AP3D1: variants seen among roughly 807,000 people sequenced by gnomAD.
The protein encoded by AP3D1 is adaptor related protein complex 3 subunit delta 1.
AP3D1 carries 51 observed loss-of-function variants against 147.6 expected under a neutral mutation model. The observed-to-expected ratio is 0.35, with a 90% confidence interval of 0.28 to 0.44. The LOEUF is 0.44. Ranked by LOEUF, AP3D1 falls within the 20% of genes least tolerant of loss-of-function variation. AP3D1 has a pLI of 1.00. For synonymous variants in AP3D1, 760 were observed against 663.0 expected (o/e 1.15, Z -2.25); for missense variants, 1,421 against 1,624.2 (o/e 0.87, Z 2.15).
chr19:2,140,755 CTT>C (rs71176516), intron 1 of AP3D1, among the ~76,000 whole-genome samples: 96 of 107,204 alleles, frequency 9.0e-4, no homozygotes, highest in African/African-American at 2.8e-3. Flanking sequence ...ACACAAACGT[CTT>C]TTTTTTTTTT....
chr19:2,109,416 G>A, intron 29 of AP3D1: 1 of 603,532 alleles, frequency 1.7e-6, no homozygotes, highest in Non-Finnish European at 2.8e-6. Flanking sequence ...TGTCTTTAAA[G>A]AGGTCACAGA....
chr19:2,113,702 TG>T (rs1200196804), intron 22 of AP3D1, among the ~76,000 whole-genome samples: 2 of 152,228 alleles, frequency 1.3e-5, no homozygotes, highest in Admixed American at 6.5e-5. Flanking sequence ...TATGTCTGCC[TG>T]GGCCACCTGA....
chr19:2,121,461 C>G lies in AP3D1; in HGVS notation c.1102-150G>C, dbSNP rs1011340515. 5 of 1,144,950 alleles carry G rather than the reference C, an allele frequency of 4.4e-6. No individual in the cohort carries two copies. The African/African-American group carries it at 7.6e-5, about 17-fold the overall frequency. The allele number at this position is 1,144,950 out of a possible 1,614,324, so 70.9% of individuals were successfully genotyped here. Reference sequence around the variant, plus strand: ...ATGCCAGGGAGGCAGCAGGCCCCTGCGATGTGGGCTGGGTTAGAGGCACAC... The same window carrying G: ...ATGCCAGGGAGGCAGCAGGCCCCTGGGATGTGGGCTGGGTTAGAGGCACAC... On this transcript the variant is annotated intron_variant, in intron 12 of 31. Coordinates refer to ENST00000643116, the MANE Select transcript of AP3D1 (RefSeq NM_001261826.3).
intron 4 of AP3D1, among the ~76,000 whole-genome samples, chr19:2,133,745 G>A (rs963099319): frequency 5.3e-5 from 8 of 151,222 alleles, no homozygotes; most frequent in Admixed American, 2.0e-4. Context: ...CTCATGATCC[G>A]CCCGCCATGG....
chr19:2,104,514 C>T (rs1160326752), intron 31 of AP3D1, among the ~76,000 whole-genome samples: 1 of 151,704 alleles, frequency 6.6e-6, no homozygotes, highest in African/African-American at 2.4e-5. Flanking sequence ...GCCCAGACCC[C>T]AATGCCAAGA....
chr19:2,102,038 A>G lies in AP3D1; in HGVS notation c.*135T>C, dbSNP rs1443726862. 2 of 676,116 alleles carry G rather than the reference A, an allele frequency of 3.0e-6. No homozygotes were observed. Among genetic ancestry groups the G allele is most frequent in the South Asian group, 1.8e-5 (1 of 56,400 alleles). 41.9% of individuals were successfully genotyped at this position (676,116 alleles called of 1,614,324 possible). A position where few individuals can be genotyped will look rare whatever the true frequency, so the allele number is the denominator to read the frequency against. On this transcript the variant is annotated 3_prime_UTR_variant, in exon 32 of 32. Transcript: ENST00000643116. ...GCAACAAATGACCTCGGATGTCTAC[A>G]CGGCGGACAACATAGAGTTAAATTA...
intron 1 of AP3D1, among the ~76,000 whole-genome samples, chr19:2,162,389 A>G (rs1424751175): frequency 6.7e-6 from 1 of 148,338 alleles, no homozygotes; most frequent in East Asian, 2.1e-4. Context: ...GCTGATGCCT[A>G]TAAATCTCCG....
chr19:2,141,457 T>C (rs1195787633), intron 1 of AP3D1, among the ~76,000 whole-genome samples: 2 of 149,908 alleles, frequency 1.3e-5, no homozygotes, highest in African/African-American at 4.9e-5. Context: ...TTTTTTTTAA[T>C]GGAGTCTTGC....
chr19:2,162,774 C>CTA (rs1407350348), intron 1 of AP3D1, among the ~76,000 whole-genome samples: 2 of 152,040 alleles, frequency 1.3e-5, no homozygotes, highest in Admixed American at 6.6e-5. Context: ...CTGCGGGACT[C>CTA]TATTGCTGAG....
chr19:2,158,515 C>T (rs2019667758), intron 1 of AP3D1, among the ~76,000 whole-genome samples: 1 of 151,652 alleles, frequency 6.6e-6, no homozygotes, highest in Non-Finnish European at 1.5e-5. Flanking sequence ...ACTATATTGC[C>T]CAGGCTGATC....
intron 24 of AP3D1, 24 bp downstream of exon 24, chr19:2,112,836 C>A: frequency 6.3e-7 from 1 of 1,586,926 alleles, no homozygotes; most frequent in South Asian, 1.1e-5. Flanking sequence ...CCCTCCACAG[C>A]CCCTGGGGGA....
chr19:2,108,815 A>T, intron 30 of AP3D1, 49 bp from the exon 31 acceptor site: 1 of 1,538,572 alleles, frequency 6.5e-7, no homozygotes, highest in Non-Finnish European at 8.8e-7. Context: ...GCATGGCTGC[A>T]GCCCCACCCC....
In AP3D1 at chr19:2,118,715, G is replaced by A. The variant is rs756748061; in HGVS notation, c.1599C>T (p.Ile533=). ...CCCCGGCCTGCTCCTTCTGCTGCAG[G>A]ATGGAGGCGTAGAGCTTGACCACGT... ...VQNVVKLYAS[I]LQQKEQAGEA... Residue 533 remains isoleucine (I), a synonymous_variant, in exon 15 of 32, where the codon ATC becomes ATT. Coordinates refer to ENST00000643116, the MANE Select transcript of AP3D1 (RefSeq NM_001261826.3). 6.2e-7 allele frequency: 1 copy of A among 1,613,636 alleles called. No individual in the cohort carries two copies. The highest frequency in any genetic ancestry group is 2.2e-5 in the East Asian group (1 of 44,882).
intron 22 of AP3D1, 44 bp downstream of exon 22, chr19:2,114,081 G>C (rs750090659): frequency 1.3e-6 from 2 of 1,534,546 alleles, no homozygotes; most frequent in South Asian, 1.2e-5. Context: ...TTCACGGCAA[G>C]GGAGGGGAAT....
At chr19:2,125,234 G>C (rs2018721113) in intron 9 of AP3D1, among the ~76,000 whole-genome samples, 3 of 152,192 alleles carry the variant, frequency 2.0e-5, no homozygotes, top group Admixed American at 6.5e-5. Flanking sequence ...GAAGAAATGT[G>C]GCAAAATAAA....
At chr19:2,150,580 C>G (rs2019479341) in intron 1 of AP3D1, among the ~76,000 whole-genome samples, 1 of 152,206 alleles carries the variant, frequency 6.6e-6, no homozygotes, top group Admixed American at 6.5e-5. Context: ...GTCCTTCCTC[C>G]CTCCTGGCAG....
chr19:2,102,598 G>C (rs1439166495), intron 31 of AP3D1, among the ~76,000 whole-genome samples: 1 of 151,910 alleles, frequency 6.6e-6, no homozygotes, highest in African/African-American at 2.4e-5. Context: ...CAGGGTGGCG[G>C]GTGCCTGTAG....
intron 1 of AP3D1, among the ~76,000 whole-genome samples, chr19:2,150,653 G>C (rs773179286): frequency 1.8e-4 from 27 of 152,128 alleles, no homozygotes; most frequent in Non-Finnish European, 4.0e-4. Flanking sequence ...GCCTGGTTCC[G>C]AGCCAGGCCT....
At chr19:2,134,971 G>C (rs747051141) in intron 4 of AP3D1, among the ~76,000 whole-genome samples, 30 of 151,992 alleles carry the variant, frequency 2.0e-4, no homozygotes, top group Non-Finnish European at 4.1e-4. Flanking sequence ...GGCTGAGGTG[G>C]GCAGATCACC....
Sources: gnomAD v4.1 joint callset for allele counts (sites outside exome capture counted in the v4.1 genomes callset) on GRCh38, gnomAD v4.1.1 for gene constraint, MANE v1.5 for transcripts, NCBI Gene and HGNC (gene_info 2026-07-23, HGNC 2026-07-21) for gene names.